The following WNK3 variants were observed in gnomAD, a reference collection of about 807,000 sequenced individuals.
The protein encoded by WNK3 is serine/threonine-protein kinase WNK3.
Under a neutral mutation model 116.7 loss-of-function variants are expected in WNK3, and 18 were observed. The observed-to-expected ratio is 0.15, with a 90% CI of 0.11 to 0.23. The LOEUF is 0.23. WNK3 is among the 10% of genes least tolerant of loss of function. The pLI is 1.00. For synonymous variants in WNK3, 404 were observed against 469.4 expected (o/e 0.86, Z 1.80); for missense variants, 993 against 1,323.8 (o/e 0.75, Z 3.88).
At chrX:54,217,391 C>T (rs1168822273) in intron 22 of WNK3, among the ~76,000 whole-genome samples, 1 of 6,990 alleles carries the variant, frequency 1.4e-4, no homozygotes, top group Non-Finnish European at 2.5e-4. Context: ...CACTTTGGGG[C>T]GGGTGGATCA....
intron 22 of WNK3, among the ~76,000 whole-genome samples, chrX:54,205,097 C>G (rs1478203874): frequency 9.0e-6 from 1 of 110,874 alleles, no homozygotes; most frequent in African/African-American, 3.3e-5. Flanking sequence ...TGCCTGTAAT[C>G]CCAGCTACTC....
chrX:54,336,685 A>G (rs1557175425), intron 1 of WNK3, among the ~76,000 whole-genome samples: 1 of 111,588 alleles, frequency 9.0e-6, no homozygotes, highest in East Asian at 2.8e-4. Context: ...AATGTAAAAC[A>G]AGGAGACCCA....
Position 54,265,629 on chromosome X carries a change from T to G in WNK3, c.2038-6291A>C, listed in dbSNP as rs181181921. ...ATCAAAGAGATGAGCAACGAGAGGT[T>G]GTGGGTCTCTGAGACATGTTGTGAC... On this transcript the variant is annotated intron_variant, in intron 10 of 23. Coordinates refer to ENST00000354646, the Ensembl canonical transcript of WNK3. Among the ~76,000 whole-genome samples the G allele has an allele frequency of 3.6e-5, 4 of 112,334 alleles. No homozygotes were observed. In the East Asian group the frequency reaches 1.1e-3, roughly 31 times the overall value.
intron 22 of WNK3, among the ~76,000 whole-genome samples, chrX:54,212,531 T>G (rs1215779153): frequency 8.9e-6 from 1 of 112,588 alleles, no homozygotes; most frequent in Non-Finnish European, 1.9e-5. Context: ...AAAGAACAGA[T>G]GCTGAACTAT....
intron 22 of WNK3, among the ~76,000 whole-genome samples, chrX:54,203,808 G>A (rs899987156): frequency 1.8e-5 from 2 of 109,729 alleles, no homozygotes; most frequent in African/African-American, 6.6e-5. Context: ...TTAGCCAGGC[G>A]TGGGGGTGTG....
chrX:54,327,192 G>A (rs188603321), intron 2 of WNK3, among the ~76,000 whole-genome samples: 1 of 112,339 alleles, frequency 8.9e-6, no homozygotes, highest in Non-Finnish European at 1.9e-5. Flanking sequence ...ATCGCTCCCA[G>A]TTCTTTGCAG....
intron 2 of WNK3, among the ~76,000 whole-genome samples, chrX:54,328,448 C>G (rs1177662444): frequency 9.3e-6 from 1 of 107,849 alleles, no homozygotes. Context: ...GGCATCTCTA[C>G]AAAATATTTC....
At chrX:54,347,224 G>A (rs1281299654) in intron 1 of WNK3, among the ~76,000 whole-genome samples, 3 of 112,381 alleles carry the variant, frequency 2.7e-5, no homozygotes, top group African/African-American at 9.7e-5. Context: ...AGTGGCTCAC[G>A]CCTATAATCC....
intron 22 of WNK3, among the ~76,000 whole-genome samples, chrX:54,226,616 C>T (rs914812008): frequency 5.6e-5 from 6 of 107,193 alleles, no homozygotes; most frequent in Non-Finnish European, 1.2e-4. Context: ...CCAAAGTGGG[C>T]GGATCACCTG....
intron 10 of WNK3, among the ~76,000 whole-genome samples, chrX:54,290,454 A>C (rs1315018713): frequency 9.0e-6 from 1 of 111,638 alleles, no homozygotes; most frequent in Admixed American, 9.6e-5. Context: ...GGACATACTG[A>C]TAGAGAAAAT....
chrX:54,249,466 T>C, exon 17 of WNK3: 1 of 1,211,814 alleles, frequency 8.3e-7, no homozygotes, highest in East Asian at 3.0e-5. Flanking sequence ...TTCCACTTGA[T>C]AAAGTATAGC....
chrX:54,306,184 C>A (rs189844191), intron 5 of WNK3, among the ~76,000 whole-genome samples: 2 of 111,611 alleles, frequency 1.8e-5, no homozygotes, highest in Admixed American at 1.9e-4. Flanking sequence ...GAAAAGGGAA[C>A]CCTTGTACGT....
chrX:54,214,738 C>T (rs936072994), intron 22 of WNK3, among the ~76,000 whole-genome samples: 17 of 110,941 alleles, frequency 1.5e-4, no homozygotes, highest in Non-Finnish European at 1.1e-4. Flanking sequence ...CCAGGCTGGG[C>T]GCGGTGGCTC....
At position 54,301,959 on chromosome X, in the gene WNK3, AGTTTTAAAT is replaced by A. The variant is rs1343262672; in HGVS notation, c.1090-109_1090-101del. 36 of 591,507 alleles carry A rather than the reference AGTTTTAAAT, an allele frequency of 6.1e-5. No homozygotes were observed. In the East Asian group the frequency reaches 1.3e-3, roughly 21 times the overall value. 48.7% of individuals were successfully genotyped at this position (591,507 alleles called of 1,213,427 possible). ...TATTTTTATCACTAAACCATAGTCA[AGTTTTAAAT>A]GAAATATTTAAATATACATGTGTAT... is the stretch of plus-strand genomic sequence containing the variant. On this transcript the variant is annotated intron_variant, in intron 5 of 23. Transcript: ENST00000354646.
chrX:54,337,597 T>TAAATAAATAAATAAATAAAA (rs1162943338), intron 1 of WNK3, among the ~76,000 whole-genome samples: 17 of 105,194 alleles, frequency 1.6e-4, no homozygotes, highest in African/African-American at 3.8e-4. Flanking sequence ...AATAAATAAA[T>TAAATAAATAAATAAATAAAA]AAAATATTTG....
chrX:54,277,863 T>C (rs1184946691), intron 10 of WNK3, among the ~76,000 whole-genome samples: 2 of 110,668 alleles, frequency 1.8e-5, no homozygotes, highest in Non-Finnish European at 3.8e-5. Context: ...GAGGCTGAGG[T>C]GGGTGGACCG....
At chrX:54,251,558 T>A in exon 14 of WNK3, 3 of 1,211,065 alleles carry the variant, frequency 2.5e-6, no homozygotes, top group Non-Finnish European at 3.4e-6. Context: ...TCCACAGTAA[T>A]AGAATCAACT....
chrX:54,222,875 CA>C (rs782247481), intron 22 of WNK3, among the ~76,000 whole-genome samples: 73 of 45,176 alleles, frequency 1.6e-3, no homozygotes, highest in African/African-American at 4.6e-3. Flanking sequence ...GACTCTGTCT[CA>C]AAAAAAAAAA....
At chrX:54,292,783 C>A in intron 10 of WNK3, 105 bp downstream of exon 10, 3 of 757,526 alleles carry the variant, frequency 4.0e-6, no homozygotes, top group Non-Finnish European at 5.5e-6. Context: ...GGTGACCTTT[C>A]TCTAAACTAT....
Sources: allele counts gnomAD v4.1 joint callset (sites outside exome capture counted in the v4.1 genomes callset), GRCh38; gene constraint gnomAD v4.1.1; transcripts MANE v1.5; gene names NCBI Gene and HGNC (gene_info 2026-07-23, HGNC 2026-07-21).